Variants in TTC23L observed in about 807,000 individuals in gnomAD.
TTC23L encodes tetratricopeptide repeat protein 23-like.
TTC23L carries 42 observed loss-of-function variants against 48.1 expected under a neutral mutation model. That is an observed-to-expected ratio of 0.87 (90% CI 0.68 to 1.13). The LOEUF is 1.13. Among genes scored for constraint, TTC23L ranks in the 50% most tolerant of loss-of-function variants. The pLI is 0.00. For synonymous variants in TTC23L, 159 were observed against 157.2 expected (o/e 1.01, Z -0.09); for missense variants, 391 against 421.0 (o/e 0.93, Z 0.62).
the TTC23L span, among the ~76,000 whole-genome samples, chr5:34,913,220 C>G: frequency 6.6e-6 from 1 of 151,852 alleles, no homozygotes; most frequent in Non-Finnish European, 1.5e-5. Context: ...ATTCTTTTGG[C>G]CAGTTCGAAT....
chr5:34,918,613 A>G, the TTC23L span: 1 of 484,098 alleles, frequency 2.1e-6, no homozygotes, highest in Non-Finnish European at 3.7e-6. Flanking sequence ...TTCAAGTGCC[A>G]CAATTTTTCC....
the TTC23L span, chr5:34,913,336 A>G: frequency 2.1e-6 from 1 of 477,816 alleles, no homozygotes; most frequent in Non-Finnish European, 3.8e-6. Context: ...AAATGTTAGA[A>G]CCCATGACTG....
chr5:34,891,254 T>C (rs1202124283), intron 9 of TTC23L, among the ~76,000 whole-genome samples: 5 of 152,226 alleles, frequency 3.3e-5, no homozygotes. Context: ...AGAGTATACA[T>C]TACTGGAGTC....
chr5:34,912,914 T>G, the TTC23L span, among the ~76,000 whole-genome samples: 1 of 152,286 alleles, frequency 6.6e-6, no homozygotes, highest in East Asian at 1.9e-4. Flanking sequence ...GGCAGAAGAA[T>G]CACTTGAACC....
At chr5:34,893,356 C>T (rs1005585293) in intron 9 of TTC23L, among the ~76,000 whole-genome samples, 3 of 152,182 alleles carry the variant, frequency 2.0e-5, no homozygotes, top group African/African-American at 4.8e-5. Flanking sequence ...ACCCACAATA[C>T]ATTCACCTGG....
At chr5:34,885,468 C>T (rs977078644) in intron 9 of TTC23L, among the ~76,000 whole-genome samples, 3 of 152,084 alleles carry the variant, frequency 2.0e-5, no homozygotes, top group Non-Finnish European at 2.9e-5. Context: ...TGGCCATATG[C>T]GATGGCTCAT....
the TTC23L span, chr5:34,923,454 T>C: frequency 3.7e-6 from 2 of 534,530 alleles, no homozygotes; most frequent in Non-Finnish European, 6.7e-6. Flanking sequence ...ATTTTTGTAG[T>C]TTTAGTAGAG....
chr5:34,855,746 G>C (rs1356888242), intron 4 of TTC23L, among the ~76,000 whole-genome samples: 3 of 152,218 alleles, frequency 2.0e-5, no homozygotes, highest in Non-Finnish European at 4.4e-5. Flanking sequence ...AGGGAAAAGA[G>C]AATGCACAAT....
chr5:34,893,512 T>C (rs575758597), intron 9 of TTC23L, among the ~76,000 whole-genome samples: 2 of 152,286 alleles, frequency 1.3e-5, no homozygotes, highest in South Asian at 4.1e-4. Flanking sequence ...CTTACACTTA[T>C]TTCAGAGAGA....
At chr5:34,853,174 T>G (rs951127166) in intron 4 of TTC23L, among the ~76,000 whole-genome samples, 6 of 152,236 alleles carry the variant, frequency 3.9e-5, no homozygotes, top group Admixed American at 2.0e-4. Flanking sequence ...AAGATGTTAG[T>G]CTGGGAGAAA....
At chr5:34,867,701 C>T (rs1761177071) in intron 7 of TTC23L, 1 of 153,402 alleles carries the variant, frequency 6.5e-6, no homozygotes, top group Admixed American at 6.5e-5. Context: ...CTTCAGGTAT[C>T]TCCCACAGTG....
the TTC23L span, chr5:34,925,036 C>G: frequency 3.9e-6 from 6 of 1,557,544 alleles, no homozygotes; most frequent in Non-Finnish European, 5.2e-6. Context: ...CAAAATGATT[C>G]TGTGAAGTAA....
chr5:34,910,993 T>C, the TTC23L span, among the ~76,000 whole-genome samples: 4 of 152,240 alleles, frequency 2.6e-5, no homozygotes, highest in African/African-American at 9.6e-5. Context: ...TAAATCCTTA[T>C]ACAGCATTTC....
chr5:34,913,218 G>C, the TTC23L span, among the ~76,000 whole-genome samples: 3 of 151,910 alleles, frequency 2.0e-5, no homozygotes, highest in Non-Finnish European at 4.4e-5. Context: ...GTATTCTTTT[G>C]GCCAGTTCGA....
intron 2 of TTC23L, among the ~76,000 whole-genome samples, chr5:34,841,228 TAG>T (rs200738570): frequency 0.013 from 2,038 of 152,268 alleles, 39 homozygotes; most frequent in African/African-American, 0.047. Flanking sequence ...GGCAAAATTG[TAG>T]AGAGTTAGCT....
the TTC23L span, chr5:34,925,648 T>G: frequency 1.6e-6 from 1 of 632,914 alleles, no homozygotes; most frequent in African/African-American, 1.9e-5. Context: ...GATTATCTTT[T>G]TCTAAATAAA....
chr5:34,853,149 G>T (rs1759816958), intron 4 of TTC23L, among the ~76,000 whole-genome samples: 1 of 152,166 alleles, frequency 6.6e-6, no homozygotes, highest in Admixed American at 6.5e-5. Flanking sequence ...CTGAAAGCAG[G>T]TCTAGAGCTC....
At chr5:34,866,829 C>A in intron 6 of TTC23L, 63 bp from the exon 7 acceptor site, 1 of 1,447,172 alleles carries the variant, frequency 6.9e-7, no homozygotes. Flanking sequence ...GAATCAGTTC[C>A]TTTTGTGTCT....
the TTC23L span, chr5:34,908,701 T>C: frequency 2.0e-5 from 28 of 1,386,964 alleles, 1 homozygote; most frequent in African/African-American, 3.0e-4. Context: ...CAAAGAGTAC[T>C]GTACTCAGAA....
Sources: gnomAD v4.1 joint callset for allele counts (sites outside exome capture counted in the v4.1 genomes callset) on GRCh38, gnomAD v4.1.1 for gene constraint, MANE v1.5 for transcripts, NCBI Gene and HGNC (gene_info 2026-07-23, HGNC 2026-07-21) for gene names.